FBXO38: variants seen among roughly 807,000 people sequenced by gnomAD.
FBXO38 encodes the protein F-box only protein 38.
Under a neutral mutation model 131.9 loss-of-function variants are expected in FBXO38, and 53 were observed. That is an observed-to-expected ratio of 0.40 (90% CI 0.32 to 0.51). The LOEUF (loss-of-function observed/expected upper bound fraction) is 0.51, where lower values mean the gene tolerates loss of function less well. Ranked by LOEUF, FBXO38 falls within the 20% of genes least tolerant of loss-of-function variation. The pLI is 0.53. For synonymous variants in FBXO38, 452 were observed against 505.6 expected (o/e 0.89, Z 1.42); for missense variants, 1,076 against 1,475.6 (o/e 0.73, Z 4.44).
At chr5:148,385,755 G>A (rs1012493155) in intron 1 of FBXO38, among the ~76,000 whole-genome samples, 2 of 152,154 alleles carry the variant, frequency 1.3e-5, no homozygotes, top group African/African-American at 2.4e-5. Context: ...TAAGGTCTGT[G>A]AGGTCAAATT....
At chr5:148,412,099 A>G (rs1752794043) in intron 9 of FBXO38, among the ~76,000 whole-genome samples, 1 of 152,156 alleles carries the variant, frequency 6.6e-6, no homozygotes, top group African/African-American at 2.4e-5. Flanking sequence ...CAATAGCATA[A>G]AAATACCTTC....
chr5:148,433,468 A>T lies in FBXO38; in HGVS notation c.2698A>T (p.Thr900Ser). 1.2e-6 allele frequency: 2 copies of T among 1,614,020 alleles called. No individual in the cohort carries two copies. The highest frequency in any genetic ancestry group is 1.7e-6 in the Non-Finnish European group (2 of 1,179,940). Reference sequence around the variant, plus strand: ...ACGTCACGCCATGAAACGGAAGCGGACAGCAGATAAATCCACTAGTACAAG... The same window carrying T: ...ACGTCACGCCATGAAACGGAAGCGGTCAGCAGATAAATCCACTAGTACAAG... ...KPRHAMKRKR[T>S]ADKSTSTSDP... The change falls in exon 16 of 22, where the codon ACA becomes TCA. Residue 900 changes from threonine (T) to serine (S), a missense_variant. Thr to Ser is a moderately conservative substitution (Grantham distance 58). This residue lies in a region of FBXO38 where 282 missense variants were observed against 418.8 expected (regional missense o/e 0.67). Coordinates refer to ENST00000340253, the MANE Select transcript of FBXO38 (RefSeq NM_205836.3).
intron 20 of FBXO38, 143 bp downstream of exon 20, chr5:148,440,670 T>C: frequency 1.7e-6 from 1 of 576,664 alleles, no homozygotes; most frequent in Non-Finnish European, 3.1e-6. Flanking sequence ...CCTGGCCCTT[T>C]CTCATTCACG....
intron 1 of FBXO38, among the ~76,000 whole-genome samples, chr5:148,387,740 C>T (rs920847963): frequency 1.8e-4 from 25 of 140,598 alleles, no homozygotes; most frequent in Non-Finnish European, 2.7e-4. Context: ...TTACCAGGCT[C>T]GAGTGCAGTC....
Position 148,439,764 on chromosome 5 carries a change from T to C in FBXO38, c.3142T>C (p.Trp1048Arg). 6.2e-7 allele frequency: 1 copy of C among 1,614,078 alleles called. No individual in the cohort carries two copies. The highest frequency in any genetic ancestry group is 8.5e-7 in the Non-Finnish European group (1 of 1,179,912). ...CCGGAATAAGGTGCGCATTCGCAGC[T>C]GGATGGACACTATAGCAAACATCAA... The part of the protein sequence containing the change: ...NVRNKVRIRS[W>R]MDTIANINQE... The change falls in exon 19 of 22, where the codon TGG (tryptophan) becomes CGG (arginine). Residue 1048 changes from tryptophan to arginine, a missense_variant. Transcript: ENST00000340253.
intron 14 of FBXO38, among the ~76,000 whole-genome samples, chr5:148,426,424 G>A (rs1753717680): frequency 1.3e-5 from 2 of 152,070 alleles, no homozygotes; most frequent in Non-Finnish European, 2.9e-5. Flanking sequence ...TAGTTCTTTG[G>A]ACTTGAAATA....
chr5:148,401,970 T>C lies in FBXO38; in HGVS notation c.263-12T>C. ...AGATGAACCTGGCTCTAAATACTTCTGAACTTCTCAGGCTTTACAGATGCC... is the reference window on the plus strand; with the variant it reads ...AGATGAACCTGGCTCTAAATACTTCCGAACTTCTCAGGCTTTACAGATGCC... On this transcript the variant is annotated splice_polypyrimidine_tract_variant and intron_variant, in intron 3 of 21. Transcript: ENST00000340253. 1 of 1,590,858 alleles carries C rather than the reference T, an allele frequency of 6.3e-7. No individual in the cohort carries two copies. Among genetic ancestry groups the C allele is most frequent in the Non-Finnish European group, 8.6e-7 (1 of 1,162,624 alleles).
At chr5:148,441,307 C>A (rs962256521) in intron 21 of FBXO38, 70 bp downstream of exon 21, 3 of 1,145,810 alleles carry the variant, frequency 2.6e-6, no homozygotes, top group African/African-American at 1.5e-5. Context: ...TACTTAATAT[C>A]TTTTTGTGAG....
intron 9 of FBXO38, among the ~76,000 whole-genome samples, chr5:148,411,759 C>G (rs554215635): frequency 1.8e-4 from 27 of 152,092 alleles, no homozygotes; most frequent in Admixed American, 5.9e-4. Context: ...TGAAAAAGAT[C>G]AGCTTTTCTC....
At chr5:148,414,340 T>C (rs770470801) in intron 10 of FBXO38, 34 bp downstream of exon 10, 5 of 1,491,582 alleles carry the variant, frequency 3.4e-6, no homozygotes, top group Non-Finnish European at 4.5e-6. Context: ...CTATGTTTTA[T>C]TGATACTGAA....
intron 6 of FBXO38, among the ~76,000 whole-genome samples, chr5:148,405,493 C>T (rs1752395085): frequency 1.3e-5 from 2 of 152,094 alleles, no homozygotes; most frequent in Admixed American, 1.3e-4. Flanking sequence ...TAAGTGGGAA[C>T]TACTCTGCTT....
chr5:148,387,690 CTTT>C (rs142417126), intron 1 of FBXO38, among the ~76,000 whole-genome samples: 5 of 126,672 alleles, frequency 3.9e-5, no homozygotes, highest in Admixed American at 8.2e-5. Context: ...GAATTTATTT[CTTT>C]TTTTTTTTTT....
chr5:148,436,523 A>G (rs1006948606), intron 17 of FBXO38, among the ~76,000 whole-genome samples: 1 of 152,124 alleles, frequency 6.6e-6, no homozygotes, highest in Non-Finnish European at 1.5e-5. Context: ...AAAATCTGAA[A>G]TCTAAAACAC....
Position 148,442,299 on chromosome 5 carries a change from C to A in FBXO38, c.*152C>A. On this transcript the variant is annotated 3_prime_UTR_variant, in exon 22 of 22. Transcript: ENST00000340253. ...ATATAAGGAACATCGAAATTGTATA[C>A]AAAGATTTGTACATAAAAAATATAC... is the stretch of plus-strand genomic sequence containing the variant. The A allele has an allele frequency of 2.0e-6, 1 of 505,836 alleles. No homozygotes were observed. Among genetic ancestry groups the A allele is most frequent in the South Asian group, 4.4e-5 (1 of 22,818 alleles). 31.3% of individuals were successfully genotyped at this position (505,836 alleles called of 1,614,324 possible).
chr5:148,413,372 T>A (rs181242071), intron 9 of FBXO38: 1 of 152,066 alleles, frequency 6.6e-6, no homozygotes, highest in Non-Finnish European at 1.5e-5. Flanking sequence ...ATTGGTTGAT[T>A]GCAGACTGTG....
intron 5 of FBXO38, 150 bp downstream of exon 5, chr5:148,402,663 G>A (rs906915724): frequency 1.5e-5 from 10 of 647,716 alleles, no homozygotes; most frequent in African/African-American, 7.4e-5. Flanking sequence ...TAAAAATTCC[G>A]ATTTCCCATT....
At position 148,417,211 on chromosome 5, in the gene FBXO38, C is replaced by G; in HGVS notation, c.1618+7C>G. On this transcript the variant is annotated splice_region_variant and intron_variant, in intron 12 of 21. Transcript: ENST00000340253. ...CAGCAGTTTGCAGCTGACGGTAACC[C>G]AGATCTTTTATGAGCTCCAGATAGA... is the stretch of plus-strand genomic sequence containing the variant. 2 of 1,586,384 alleles carry G rather than the reference C, an allele frequency of 1.3e-6. No homozygotes were observed. The highest frequency in any genetic ancestry group is 1.7e-6 in the Non-Finnish European group (2 of 1,155,036).
chr5:148,408,529 A>G (rs1336712016), intron 7 of FBXO38, among the ~76,000 whole-genome samples: 1 of 152,248 alleles, frequency 6.6e-6, no homozygotes, highest in Non-Finnish European at 1.5e-5. Context: ...AAAATACTGT[A>G]CAGTAATAAG....
At chr5:148,416,765 TC>T in intron 11 of FBXO38, 1 of 507,860 alleles carries the variant, frequency 2.0e-6, no homozygotes. Context: ...TGGGCAGATC[TC>T]TTCTCCTTGC....
Sources: allele counts gnomAD v4.1 joint callset (sites outside exome capture counted in the v4.1 genomes callset), GRCh38; gene constraint gnomAD v4.1.1; regional missense constraint gnomAD v4.1.1; transcripts MANE v1.5; gene names NCBI Gene and HGNC (gene_info 2026-07-23, HGNC 2026-07-21).